INPP4B: variants seen among roughly 807,000 people sequenced by gnomAD.
INPP4B encodes the protein inositol polyphosphate 4-phosphatase type II.
INPP4B carries 55 observed loss-of-function variants against 122.5 expected under a neutral mutation model. The observed-to-expected ratio is 0.45, with a 90% confidence interval of 0.36 to 0.56. The LOEUF is 0.56. Among genes scored for constraint, INPP4B ranks in the 20% least tolerant of loss-of-function variants. The pLI is 0.00. For synonymous variants in INPP4B, 403 were observed against 388.7 expected, an observed-to-expected ratio of 1.04 and a Z score of -0.43; for missense variants, 1,000 against 1,097.7, an observed-to-expected ratio of 0.91 and a Z score of 1.26.
intron 3 of INPP4B, among the ~76,000 whole-genome samples, chr4:142,445,526 AT>A (rs577529463): frequency 3.3e-4 from 50 of 152,330 alleles, no homozygotes; most frequent in African/African-American, 1.1e-3. Flanking sequence ...ACGATCTTAA[AT>A]GTGAATGTAC....
At chr4:142,623,535 G>T (rs1248043210) in intron 2 of INPP4B, among the ~76,000 whole-genome samples, 1 of 151,644 alleles carries the variant, frequency 6.6e-6, no homozygotes, top group Non-Finnish European at 1.5e-5. Flanking sequence ...TCCATTCCTT[G>T]TTATACAGGC....
intron 7 of INPP4B, among the ~76,000 whole-genome samples, chr4:142,358,418 C>T (rs773475828): frequency 8.4e-4 from 128 of 151,986 alleles, no homozygotes; most frequent in Admixed American, 1.3e-3. Context: ...ACACCCAGCA[C>T]CCCAAGGGCT....
chr4:142,365,993 G>T (rs1211235828), intron 7 of INPP4B, among the ~76,000 whole-genome samples: 1 of 152,044 alleles, frequency 6.6e-6, no homozygotes, highest in African/African-American at 2.4e-5. Context: ...CCTGTGACCT[G>T]CACATGTATG....
chr4:142,183,058 T>C (rs1831594786), intron 15 of INPP4B, among the ~76,000 whole-genome samples: 1 of 152,188 alleles, frequency 6.6e-6, no homozygotes, highest in African/African-American at 2.4e-5. Context: ...CTGCCCAGCC[T>C]AACGTCCTTT....
rs139814999 is a variant in INPP4B, at chr4:142,811,861, C to T, written c.-254+34348G>A. On this transcript the variant is annotated intron_variant, in intron 1 of 25. Transcript: ENST00000262992. ...ACCAATATATCCCCAAAGAAAAGCG[C>T]GCTGCTAGCACATAGTAGTTCTCAA... Among the ~76,000 whole-genome samples the T allele has an allele frequency of 2.5e-3, 382 of 152,184 alleles. 5 individuals are homozygous for T. Among genetic ancestry groups the T allele is most frequent in the East Asian group, 0.019 (98 of 5,182 alleles).
chr4:142,170,509 C>T (rs536018685), intron 16 of INPP4B, among the ~76,000 whole-genome samples: 82 of 151,806 alleles, frequency 5.4e-4, no homozygotes, highest in African/African-American at 1.4e-3. Context: ...AAAAACACAA[C>T]GTGTGTGATT....
At chr4:142,544,833 C>T (rs1026918080) in intron 2 of INPP4B, among the ~76,000 whole-genome samples, 6 of 152,122 alleles carry the variant, frequency 3.9e-5, no homozygotes, top group Non-Finnish European at 7.4e-5. Context: ...TGAATTGTTA[C>T]TGTATTTTGT....
intron 2 of INPP4B, among the ~76,000 whole-genome samples, chr4:142,564,624 T>G (rs948535047): frequency 6.6e-6 from 1 of 152,096 alleles, no homozygotes; most frequent in African/African-American, 2.4e-5. Context: ...ATAGAACTTT[T>G]GAGGACTCTC....
Position 142,132,828 on chromosome 4 carries a change from C to A in INPP4B, c.1721-8068G>T, listed in dbSNP as rs1801983475. ...GTTTTGACCCTAATTCCCTTTACAG[C>A]TCCTATACTTTATTTCTCCATTTCC... On this transcript the variant is annotated intron_variant, in intron 18 of 25. Coordinates refer to ENST00000262992, the MANE Select transcript of INPP4B (RefSeq NM_001101669.3). 2.6e-5 allele frequency among the ~76,000 whole-genome samples: 4 copies of A among 152,296 alleles called. No homozygotes were observed. In the South Asian group the frequency reaches 8.3e-4, roughly 32 times the overall value.
At chr4:142,097,884 G>A (rs1782675147) in intron 23 of INPP4B, among the ~76,000 whole-genome samples, 2 of 152,112 alleles carry the variant, frequency 1.3e-5, no homozygotes, top group Non-Finnish European at 1.5e-5. Flanking sequence ...CTTATACCAT[G>A]CATTCAACAA....
At chr4:142,073,715 C>A (rs1383441372) in intron 25 of INPP4B, among the ~76,000 whole-genome samples, 4 of 152,040 alleles carry the variant, frequency 2.6e-5, no homozygotes, top group African/African-American at 9.7e-5. Flanking sequence ...TAGAAAAAAT[C>A]ATTAGGCAGT....
At chr4:142,126,304 T>C (rs1250794179) in intron 18 of INPP4B, among the ~76,000 whole-genome samples, 2 of 152,092 alleles carry the variant, frequency 1.3e-5, no homozygotes, top group Non-Finnish European at 2.9e-5. Flanking sequence ...TTGTGAGTAA[T>C]GTGAGTGGTA....
chr4:142,286,600 T>A (rs1753826615), intron 9 of INPP4B, among the ~76,000 whole-genome samples: 1 of 152,186 alleles, frequency 6.6e-6, no homozygotes, highest in Non-Finnish European at 1.5e-5. Context: ...ACTCTTTGTA[T>A]CAGAATTGAC....
At chr4:142,816,054 AT>A (rs1425060294) in intron 1 of INPP4B, among the ~76,000 whole-genome samples, 2 of 152,158 alleles carry the variant, frequency 1.3e-5, no homozygotes, top group African/African-American at 4.8e-5. Context: ...CAACAGACTG[AT>A]GTCAGAGAAG....
At chr4:142,162,713 T>G (rs1234339211) in intron 16 of INPP4B, among the ~76,000 whole-genome samples, 1 of 151,980 alleles carries the variant, frequency 6.6e-6, no homozygotes, top group Non-Finnish European at 1.5e-5. Flanking sequence ...CTTCATTTAT[T>G]CAAATCTCAT....
intron 15 of INPP4B, among the ~76,000 whole-genome samples, chr4:142,185,476 A>G (rs1832757070): frequency 6.6e-6 from 1 of 151,834 alleles, no homozygotes; most frequent in Admixed American, 6.6e-5. Flanking sequence ...AGTACTCAAG[A>G]CTGAATGAGA....
intron 3 of INPP4B, among the ~76,000 whole-genome samples, chr4:142,460,329 AT>A (rs1261799405): frequency 7.9e-5 from 12 of 152,178 alleles, no homozygotes; most frequent in Non-Finnish European, 1.8e-4. Context: ...GAAAACAATA[AT>A]TTACAGATTA....
intron 15 of INPP4B, among the ~76,000 whole-genome samples, chr4:142,186,556 C>T (rs1461037191): frequency 6.6e-6 from 1 of 152,186 alleles, no homozygotes; most frequent in African/African-American, 2.4e-5. Context: ...ACTGCTAAAA[C>T]TTAAATAATT....
chr4:142,643,398 AG>A (rs1426640047), intron 2 of INPP4B, among the ~76,000 whole-genome samples: 2 of 152,196 alleles, frequency 1.3e-5, no homozygotes, highest in Non-Finnish European at 2.9e-5. Context: ...AAAACTATAA[AG>A]AAAAACAAAA....
Sources: gnomAD v4.1 joint callset for allele counts (sites outside exome capture counted in the v4.1 genomes callset) on GRCh38, gnomAD v4.1.1 for gene constraint, MANE v1.5 for transcripts, NCBI Gene and HGNC (gene_info 2026-07-23, HGNC 2026-07-21) for gene names.